The following UNC13C variants were observed in gnomAD, a reference collection of about 807,000 sequenced individuals.
The protein encoded by UNC13C is protein unc-13 homolog C.
Under a neutral mutation model 245.4 loss-of-function variants are expected in UNC13C, and 174 were observed. The observed-to-expected ratio is 0.71, with a 90% CI of 0.63 to 0.80. The LOEUF is 0.80. Ranked by LOEUF, UNC13C falls within the 30% of genes least tolerant of loss-of-function variation. The probability of loss-of-function intolerance (pLI) is 0.00; values close to 1 mark genes in which losing one functional copy is unlikely to be tolerated. For synonymous variants in UNC13C, 992 were observed against 895.1 expected (o/e 1.11, Z -1.93); for missense variants, 2,829 against 2,602.9 (o/e 1.09, Z -1.89).
At chr15:53,838,567 A>C in the UNC13C span, among the ~76,000 whole-genome samples, 1,095 of 152,112 alleles carry the variant, frequency 7.2e-3, 13 homozygotes, top group African/African-American at 0.025. Context: ...TTAAAGTGGA[A>C]AATTATACTA....
intron 2 of UNC13C, among the ~76,000 whole-genome samples, chr15:54,097,458 G>A (rs528616013): frequency 5.9e-5 from 9 of 152,262 alleles, no homozygotes; most frequent in Non-Finnish European, 1.0e-4. Flanking sequence ...ATGCGGTACT[G>A]ATGAATTACA....
chr15:53,933,821 A>G, the UNC13C span, among the ~76,000 whole-genome samples: 7 of 152,126 alleles, frequency 4.6e-5, no homozygotes, highest in Non-Finnish European at 1.0e-4. Flanking sequence ...TTTTCCTACA[A>G]TTTTACTCAA....
chr15:54,140,670 A>G (rs2031975910), intron 2 of UNC13C, among the ~76,000 whole-genome samples: 1 of 152,242 alleles, frequency 6.6e-6, no homozygotes, highest in African/African-American at 2.4e-5. Context: ...ATGCAAAGGC[A>G]CATAGATTTC....
At chr15:54,188,145 C>G (rs2034060304) in intron 4 of UNC13C, among the ~76,000 whole-genome samples, 1 of 152,126 alleles carries the variant, frequency 6.6e-6, no homozygotes, top group Non-Finnish European at 1.5e-5. Context: ...TCACCACCTG[C>G]TCCTCAGTAT....
the UNC13C span, among the ~76,000 whole-genome samples, chr15:53,860,540 T>A: frequency 1.3e-5 from 2 of 152,144 alleles, no homozygotes; most frequent in African/African-American, 4.8e-5. Flanking sequence ...ATTGGAAATT[T>A]CCCTCTTAGA....
chr15:53,867,336 G>T, the UNC13C span, among the ~76,000 whole-genome samples: 1 of 152,246 alleles, frequency 6.6e-6, no homozygotes, highest in Middle Eastern at 3.4e-3. Flanking sequence ...TAATGAACTA[G>T]AATTTTTAGG....
the UNC13C span, among the ~76,000 whole-genome samples, chr15:53,929,738 G>A: frequency 6.6e-6 from 1 of 152,106 alleles, no homozygotes; most frequent in Non-Finnish European, 1.5e-5. Context: ...TATAATAAAA[G>A]TCATGTTATC....
chr15:54,070,983 A>T (rs939221130), intron 2 of UNC13C, among the ~76,000 whole-genome samples: 3 of 152,132 alleles, frequency 2.0e-5, no homozygotes, highest in Admixed American at 6.6e-5. Context: ...ATAGGGCCTG[A>T]TGTGTTTGGA....
At chr15:54,211,551 G>A (rs1005280487) in intron 4 of UNC13C, among the ~76,000 whole-genome samples, 1 of 152,002 alleles carries the variant, frequency 6.6e-6, no homozygotes, top group African/African-American at 2.4e-5. Flanking sequence ...GCGGAGTTAG[G>A]GAAATATGTC....
chr15:53,938,844 C>G, the UNC13C span, among the ~76,000 whole-genome samples: 1 of 152,102 alleles, frequency 6.6e-6, no homozygotes, highest in Non-Finnish European at 1.5e-5. Context: ...TGGTATACAA[C>G]TAAAGCACTG....
intron 2 of UNC13C, among the ~76,000 whole-genome samples, chr15:54,096,992 C>A (rs545718201): frequency 1.2e-4 from 19 of 152,090 alleles, no homozygotes; most frequent in African/African-American, 4.6e-4. Flanking sequence ...AAATATATTC[C>A]CATATATTTC....
At chr15:54,333,901 A>G (rs975939928) in intron 16 of UNC13C, 45 bp downstream of exon 16, 2 of 1,398,830 alleles carry the variant, frequency 1.4e-6, no homozygotes, top group Non-Finnish European at 2.0e-6. Context: ...GACATAGAAT[A>G]CATTCATCCC....
At chr15:53,858,322 A>G in the UNC13C span, among the ~76,000 whole-genome samples, 4 of 152,110 alleles carry the variant, frequency 2.6e-5, no homozygotes, top group Admixed American at 2.6e-4. Flanking sequence ...GTTTCACTTT[A>G]GTATTTTGAC....
chr15:54,481,144 C>G (rs567738559), intron 19 of UNC13C, among the ~76,000 whole-genome samples: 1 of 152,150 alleles, frequency 6.6e-6, no homozygotes, highest in African/African-American at 2.4e-5. Context: ...TGGAGTTCCT[C>G]TGTGGTTTAA....
chr15:54,157,878 G>A (rs1190526737), intron 4 of UNC13C, among the ~76,000 whole-genome samples: 1 of 152,126 alleles, frequency 6.6e-6, no homozygotes, highest in Non-Finnish European at 1.5e-5. Flanking sequence ...AAATGGTGCT[G>A]GGAAAACTGG....
chr15:54,180,396 A>G (rs751006179), intron 4 of UNC13C, among the ~76,000 whole-genome samples: 1 of 152,052 alleles, frequency 6.6e-6, no homozygotes, highest in African/African-American at 2.4e-5. Context: ...TGTTTATCCA[A>G]TCCACCGTGG....
chr15:54,487,249 C>T (rs1382178012), intron 19 of UNC13C, among the ~76,000 whole-genome samples: 2 of 152,196 alleles, frequency 1.3e-5, no homozygotes, highest in Non-Finnish European at 2.9e-5. Flanking sequence ...ATGAGCAGAA[C>T]TACCAACTGC....
intron 28 of UNC13C, among the ~76,000 whole-genome samples, chr15:54,552,809 A>AAT (rs1896874569): frequency 5.0e-5 from 4 of 80,106 alleles, no homozygotes; most frequent in Non-Finnish European, 8.5e-5. Context: ...TATATAGTAC[A>AAT]ATATAATATA....
chr15:53,840,211 GGAA>G, the UNC13C span, among the ~76,000 whole-genome samples: 1 of 152,086 alleles, frequency 6.6e-6, no homozygotes, highest in Admixed American at 6.6e-5. Flanking sequence ...AATACTAATA[GGAA>G]GAAGAATCCA....
Sources: gnomAD v4.1 joint callset for allele counts (sites outside exome capture counted in the v4.1 genomes callset) on GRCh38, gnomAD v4.1.1 for gene constraint, MANE v1.5 for transcripts, NCBI Gene and HGNC (gene_info 2026-07-23, HGNC 2026-07-21) for gene names.